The following PARD3B variants were observed in gnomAD, a reference collection of about 807,000 sequenced individuals.
PARD3B encodes par-3 family cell polarity regulator beta.
PARD3B carries 103 observed loss-of-function variants against 130.2 expected under a neutral mutation model. The observed-to-expected ratio is 0.79, with a 90% confidence interval of 0.67 to 0.93. The LOEUF (loss-of-function observed/expected upper bound fraction) is 0.93. PARD3B is among the 40% of genes least tolerant of loss of function. The probability of loss-of-function intolerance (pLI) is 0.00; values close to 1 mark genes in which losing one functional copy is unlikely to be tolerated. For missense variants in PARD3B, 1,609 were observed against 1,499.2 expected (o/e 1.07, Z -1.21); for synonymous variants, 583 against 553.2 (o/e 1.05, Z -0.76).
chr2:205,256,309 A>G (rs9288363), intron 16 of PARD3B, among the ~76,000 whole-genome samples: 5,395 of 152,216 alleles, frequency 0.035, 130 homozygotes, highest in Middle Eastern at 0.058. Flanking sequence ...GGGGCAACCA[A>G]TGATAAACTC....
At chr2:205,289,157 A>G (rs955203628) in intron 16 of PARD3B, among the ~76,000 whole-genome samples, 7 of 152,210 alleles carry the variant, frequency 4.6e-5, no homozygotes, top group African/African-American at 1.7e-4. Context: ...TATTTGGGCT[A>G]CTAATAGAAG....
chr2:205,508,635 G>A (rs951259899), intron 21 of PARD3B, among the ~76,000 whole-genome samples: 1 of 150,892 alleles, frequency 6.6e-6, no homozygotes. Flanking sequence ...GCTGCCACAC[G>A]ATGGGCAATC....
chr2:205,132,034 T>G (rs1350782745), intron 10 of PARD3B, among the ~76,000 whole-genome samples: 1 of 152,164 alleles, frequency 6.6e-6, no homozygotes, highest in East Asian at 1.9e-4. Context: ...ACTAGACTAG[T>G]GTCTACCCAA....
At chr2:204,833,682 T>C (rs892989703) in intron 2 of PARD3B, among the ~76,000 whole-genome samples, 3 of 152,122 alleles carry the variant, frequency 2.0e-5, no homozygotes, top group African/African-American at 2.4e-5. Flanking sequence ...TCTGCCAGCA[T>C]GTAAGACATG....
At position 205,499,906 on chromosome 2, in the gene PARD3B, A is replaced by G. The variant is rs1271068666; in HGVS notation, c.3055A>G (p.Thr1019Ala). 9.9e-6 allele frequency: 16 copies of G among 1,613,680 alleles called. No individual in the cohort carries two copies. ...PLVPADSGRPTGGSTDRIQKL... is the reference protein window; with the variant it reads ...PLVPADSGRPAGGSTDRIQKL... ...GTCTATATCCTGTAGTGGCCGTCCT[A>G]CGGGTGGAAGCACTGACCGTATCCA... The change falls in exon 21 of 23, where the codon ACG (threonine) becomes GCG (alanine). Residue 1019 changes from threonine to alanine, a missense_variant. By Grantham distance (58) the Thr-to-Ala change is moderately conservative (BLOSUM62 0). Transcript: ENST00000406610.
Position 205,253,260 on chromosome 2 carries a change from G to C in PARD3B, c.2185+7438G>C, listed in dbSNP as rs958420367. The C allele has an allele frequency of 2.1e-6, 1 of 466,988 alleles. No homozygotes were observed. Among genetic ancestry groups the C allele is most frequent in the Non-Finnish European group, 4.3e-6 (1 of 233,184 alleles). 28.9% of individuals were successfully genotyped at this position (466,988 alleles called of 1,614,324 possible). ...AACAAGAGTGAGAAGATAGAGACAG[G>C]GTAGATAGACACTTAAGAGTAAAAT... On this transcript the variant is annotated intron_variant, in intron 16 of 22. Transcript: ENST00000406610. This position sits in a 1 kb window ranked among gnomAD's most constrained non-coding sequence, Gnocchi z 4.4.
At chr2:204,674,230 T>C (rs2036431520) in intron 1 of PARD3B, among the ~76,000 whole-genome samples, 1 of 152,166 alleles carries the variant, frequency 6.6e-6, no homozygotes, top group African/African-American at 2.4e-5. Flanking sequence ...TAACATGATA[T>C]TGATAATTTA....
At chr2:204,834,410 A>G (rs2043953864) in intron 2 of PARD3B, among the ~76,000 whole-genome samples, 1 of 152,224 alleles carries the variant, frequency 6.6e-6, no homozygotes, top group African/African-American at 2.4e-5. Flanking sequence ...TCAGTTTTAC[A>G]TGATTGAATA....
chr2:205,019,110 G>A lies in PARD3B; in HGVS notation c.395-28471G>A, dbSNP rs2125327424. Among the ~76,000 whole-genome samples the A allele has an allele frequency of 2.0e-5, 3 of 152,172 alleles. No homozygotes were observed. In the South Asian group the frequency reaches 6.2e-4, roughly 32 times the overall value. ...TTGAACGATGCCAGAAAGAAACCCT[G>A]TACTTCTTAGCAATACTCCCCAATT... On this transcript the variant is annotated intron_variant, in intron 3 of 22. Coordinates refer to ENST00000406610, the MANE Select transcript of PARD3B (RefSeq NM_001302769.2).
chr2:205,391,490 C>CT (rs1222948612), intron 18 of PARD3B, among the ~76,000 whole-genome samples: 1 of 152,152 alleles, frequency 6.6e-6, no homozygotes, highest in Non-Finnish European at 1.5e-5. Flanking sequence ...AAAAGAAAAG[C>CT]TTTTTTAACT....
chr2:205,369,484 C>T (rs913693905), intron 18 of PARD3B, among the ~76,000 whole-genome samples: 1 of 152,340 alleles, frequency 6.6e-6, no homozygotes, highest in Admixed American at 6.5e-5. Flanking sequence ...ATTCTTTAAA[C>T]AGCCTACGGG....
intron 2 of PARD3B, among the ~76,000 whole-genome samples, chr2:204,854,040 TAG>T (rs1179918359): frequency 6.6e-6 from 1 of 151,880 alleles, no homozygotes; most frequent in Non-Finnish European, 1.5e-5. Flanking sequence ...GCATTTTTGG[TAG>T]AGAGAGGAGC....
chr2:205,358,977 G>A (rs953143879), intron 18 of PARD3B, among the ~76,000 whole-genome samples: 7 of 152,078 alleles, frequency 4.6e-5, no homozygotes, highest in East Asian at 1.9e-4. Context: ...TGTCTGTGGC[G>A]CAGCTTGCTT....
intron 2 of PARD3B, among the ~76,000 whole-genome samples, chr2:204,901,152 G>A (rs2046841348): frequency 6.6e-6 from 1 of 152,060 alleles, no homozygotes; most frequent in South Asian, 2.1e-4. Flanking sequence ...GTCATCAGGT[G>A]GCAGCCAGCC....
chr2:204,777,039 A>T (rs1013860476), intron 2 of PARD3B, among the ~76,000 whole-genome samples: 1 of 152,194 alleles, frequency 6.6e-6, no homozygotes, highest in African/African-American at 2.4e-5. Context: ...AGCTTTGCTC[A>T]GTGAAGATGA....
At chr2:205,147,318 T>A (rs1272879571) in intron 10 of PARD3B, among the ~76,000 whole-genome samples, 1 of 152,356 alleles carries the variant, frequency 6.6e-6, no homozygotes, top group East Asian at 1.9e-4. Flanking sequence ...TTCAAGGTTA[T>A]ATACTATATT....
chr2:205,236,561 A>T (rs923347025), intron 15 of PARD3B, among the ~76,000 whole-genome samples: 11 of 152,174 alleles, frequency 7.2e-5, no homozygotes, highest in African/African-American at 2.7e-4. Flanking sequence ...TCCTCCAGAA[A>T]TGTGAGAAAA....
intron 20 of PARD3B, among the ~76,000 whole-genome samples, chr2:205,448,322 T>A (rs2047979151): frequency 6.6e-6 from 1 of 152,216 alleles, no homozygotes; most frequent in Non-Finnish European, 1.5e-5. Context: ...TCCTTTGATT[T>A]TAATCCTTTA....
chr2:205,385,553 G>C (rs910293930), intron 18 of PARD3B, among the ~76,000 whole-genome samples: 1 of 152,062 alleles, frequency 6.6e-6, no homozygotes, highest in Middle Eastern at 3.2e-3. Flanking sequence ...CTTAGCCTGA[G>C]TTTTGGAAGC....
Sources: gnomAD v4.1 joint callset for allele counts (sites outside exome capture counted in the v4.1 genomes callset) on GRCh38, gnomAD v4.1.1 for gene constraint, Gnocchi (gnomAD v3.1) non-coding constraint, MANE v1.5 for transcripts, NCBI Gene and HGNC (gene_info 2026-07-23, HGNC 2026-07-21) for gene names.